TOGARAM2: variants seen among roughly 807,000 people sequenced by gnomAD.
TOGARAM2 encodes TOG array regulator of axonemal microtubules 2.
A neutral mutation model predicts 93.3 loss-of-function variants in TOGARAM2; 85 were observed. That is an observed-to-expected ratio of 0.91 (90% CI 0.76 to 1.09). TOGARAM2 has a LOEUF of 1.09. Ranked by LOEUF, TOGARAM2 falls within the 50% of genes least tolerant of loss-of-function variation. The pLI is 0.00. For missense variants in TOGARAM2, 1,277 were observed against 1,334.5 expected (o/e 0.96, Z 0.67); for synonymous variants, 593 against 552.8 (o/e 1.07, Z -1.02).
At chr2:28,999,600 TACCAG>T in intron 4 of TOGARAM2, 132 bp downstream of exon 4, 1 of 1,033,620 alleles carries the variant, frequency 9.7e-7, no homozygotes, top group Non-Finnish European at 1.4e-6. Context: ...GGTGGGTACA[TACCAG>T]GTACCTTCTC....
chr2:29,028,931 T>C (rs1477481922), intron 14 of TOGARAM2, among the ~76,000 whole-genome samples: 1 of 152,214 alleles, frequency 6.6e-6, no homozygotes, highest in African/African-American at 2.4e-5. Flanking sequence ...CCTGCAAGAA[T>C]GGCCATAATC....
chr2:29,004,325 G>C (rs1266389384), intron 6 of TOGARAM2, among the ~76,000 whole-genome samples: 1 of 152,192 alleles, frequency 6.6e-6, no homozygotes, highest in Admixed American at 6.5e-5. Flanking sequence ...GTTCATGGCA[G>C]CTCTTTGTAA....
At chr2:29,001,159 G>T (rs542150492) in intron 4 of TOGARAM2, among the ~76,000 whole-genome samples, 1 of 152,164 alleles carries the variant, frequency 6.6e-6, no homozygotes, top group African/African-American at 2.4e-5. Context: ...TGGGGCTCAA[G>T]GTGGCCCGGC....
intron 6 of TOGARAM2, among the ~76,000 whole-genome samples, chr2:29,004,929 A>T (rs917410820): frequency 1.0e-5 from 1 of 99,818 alleles, no homozygotes; most frequent in Non-Finnish European, 2.0e-5. Flanking sequence ...TACGTGTGTG[A>T]GTGCATGTGT....
At chr2:29,002,974 G>T (rs1673397873) in intron 5 of TOGARAM2, among the ~76,000 whole-genome samples, 1 of 152,186 alleles carries the variant, frequency 6.6e-6, no homozygotes. Context: ...GGGGCTCTGG[G>T]TGGCTGTGCC....
At chr2:29,016,268 A>G (rs537859167) in intron 8 of TOGARAM2, among the ~76,000 whole-genome samples, 1 of 151,764 alleles carries the variant, frequency 6.6e-6, no homozygotes, top group Non-Finnish European at 1.5e-5. Context: ...GAATCTGCCC[A>G]CCCCACCATC....
upstream of TOGARAM2, among the ~76,000 whole-genome samples, chr2:28,980,585 G>T (rs113005221): frequency 3.2e-3 from 491 of 152,334 alleles, 3 homozygotes; most frequent in African/African-American, 0.011. Flanking sequence ...GGGACTGGCT[G>T]TCATTCCAGA....
intron 1 of TOGARAM2, among the ~76,000 whole-genome samples, chr2:28,991,505 G>A (rs907321121): frequency 1.3e-5 from 2 of 152,214 alleles, no homozygotes; most frequent in African/African-American, 4.8e-5. Flanking sequence ...GTTCCCACCA[G>A]CTTTGTCTGA....
chr2:29,032,796 A>G (rs1665848770), intron 14 of TOGARAM2, 138 bp from the exon 15 acceptor site: 2 of 632,784 alleles, frequency 3.2e-6, no homozygotes, highest in South Asian at 4.3e-5. Flanking sequence ...CTATTTTTTA[A>G]CTGGGTAGGG....
At chr2:28,965,470 G>A (rs916366680) in intron 1 of TOGARAM2, among the ~76,000 whole-genome samples, 4 of 152,074 alleles carry the variant, frequency 2.6e-5, no homozygotes, top group South Asian at 2.1e-4. Context: ...TATCATGTGC[G>A]TCGCCATGTG....
At chr2:29,003,873 C>T (rs1673464788) in intron 6 of TOGARAM2, among the ~76,000 whole-genome samples, 191 bp downstream of exon 6, 1 of 152,276 alleles carries the variant, frequency 6.6e-6, no homozygotes, top group African/African-American at 2.4e-5. Context: ...CGGGGCTTCT[C>T]TGCCTCTTGG....
intron 1 of TOGARAM2, among the ~76,000 whole-genome samples, chr2:28,982,580 A>G (rs1431155490): frequency 1.3e-5 from 2 of 151,994 alleles, no homozygotes; most frequent in Non-Finnish European, 2.9e-5. Flanking sequence ...GGAGCCTGAG[A>G]CTAACAGATT....
chr2:29,012,402 C>T (rs917550956), intron 7 of TOGARAM2, among the ~76,000 whole-genome samples: 6 of 152,212 alleles, frequency 3.9e-5, no homozygotes, highest in African/African-American at 1.2e-4. Context: ...GAAACCTCTG[C>T]GGCAGCTGCT....
intron 1 of TOGARAM2, among the ~76,000 whole-genome samples, chr2:28,975,869 CT>C (rs1453696982): frequency 3.3e-5 from 5 of 152,136 alleles, no homozygotes; most frequent in African/African-American, 1.2e-4. Flanking sequence ...CCTCACACCC[CT>C]ATGCCTTTCC....
chr2:29,046,768 C>G (rs1474036809), intron 19 of TOGARAM2: 8 of 152,642 alleles, frequency 5.2e-5, no homozygotes, highest in Non-Finnish European at 1.2e-4. Context: ...GGCCAAGACC[C>G]CAACCCTGTG....
intron 1 of TOGARAM2, among the ~76,000 whole-genome samples, chr2:28,959,855 T>C (rs1178956719): frequency 4.6e-5 from 7 of 152,198 alleles, no homozygotes; most frequent in African/African-American, 1.7e-4. Flanking sequence ...TTCTGAAAGA[T>C]GTTGTTAGGT....
chr2:28,968,828 A>AAAC (rs1671904877), intron 1 of TOGARAM2, among the ~76,000 whole-genome samples: 3 of 121,960 alleles, frequency 2.5e-5, no homozygotes, highest in African/African-American at 3.0e-5. Context: ...AAAAAAAAAA[A>AAAC]AAAAAAAAAA....
intron 1 of TOGARAM2, among the ~76,000 whole-genome samples, chr2:28,990,991 G>GGTGTGTGTGTGTGT (rs70958233): frequency 5.8e-5 from 7 of 119,812 alleles, no homozygotes; most frequent in African/African-American, 1.4e-4. Context: ...GTGTGTGAAG[G>GGTGTGTGTGTGTGT]GTGTGTGTGT....
chr2:28,990,793 G>A (rs973987679), intron 1 of TOGARAM2, among the ~76,000 whole-genome samples: 6 of 152,054 alleles, frequency 3.9e-5, no homozygotes, highest in Non-Finnish European at 8.8e-5. Context: ...GCTTAGAAAT[G>A]TGGGCTCATG....
Sources: gnomAD v4.1 joint callset for allele counts (sites outside exome capture counted in the v4.1 genomes callset) on GRCh38, gnomAD v4.1.1 for gene constraint, MANE v1.5 for transcripts, NCBI Gene and HGNC (gene_info 2026-07-23, HGNC 2026-07-21) for gene names.